Variants in MAML2 observed in about 807,000 individuals in gnomAD.
MAML2 encodes the protein mastermind-like protein 2.
A neutral mutation model predicts 96.1 loss-of-function variants in MAML2; 22 were observed. The ratio of observed to expected loss-of-function variants is 0.23; its 90% confidence interval spans 0.16 to 0.33. MAML2 has a LOEUF of 0.33. Among genes scored for constraint, MAML2 ranks in the 10% least tolerant of loss-of-function variants. The pLI is 1.00. For synonymous variants in MAML2, 561 were observed against 521.3 expected (o/e 1.08, Z -1.04); for missense variants, 1,367 against 1,392.4 (o/e 0.98, Z 0.29).
At chr11:96,193,085 G>A (rs1313839064) in intron 1 of MAML2, among the ~76,000 whole-genome samples, 1 of 152,148 alleles carries the variant, frequency 6.6e-6, no homozygotes, top group Non-Finnish European at 1.5e-5. Flanking sequence ...GTATGGTGTT[G>A]GGGCCGGGTG....
intron 1 of MAML2, among the ~76,000 whole-genome samples, chr11:96,300,777 AT>A (rs1221994773): frequency 2.0e-5 from 3 of 152,218 alleles, no homozygotes; most frequent in Non-Finnish European, 2.9e-5. Context: ...GCTTCGGACA[AT>A]GAGCAGGAGA....
chr11:96,232,362 G>T (rs1862305683), intron 1 of MAML2, among the ~76,000 whole-genome samples: 1 of 152,240 alleles, frequency 6.6e-6, no homozygotes, highest in African/African-American at 2.4e-5. Flanking sequence ...AGAGAATAAG[G>T]ATCACTGTGG....
At chr11:95,996,918 G>A (rs1246672548) in intron 2 of MAML2, among the ~76,000 whole-genome samples, 1 of 152,162 alleles carries the variant, frequency 6.6e-6, no homozygotes, top group East Asian at 1.9e-4. Context: ...TATGAAGGCT[G>A]TGGTAAAAAT....
chr11:96,002,891 A>T (rs1209868719), intron 2 of MAML2, among the ~76,000 whole-genome samples: 1 of 133,114 alleles, frequency 7.5e-6, no homozygotes. Flanking sequence ...GATGAGGAGG[A>T]TGATGGGGAT....
chr11:96,184,291 A>C (rs1331715072), intron 1 of MAML2, among the ~76,000 whole-genome samples: 2 of 152,024 alleles, frequency 1.3e-5, no homozygotes, highest in Non-Finnish European at 2.9e-5. Flanking sequence ...AAACGTAAAA[A>C]TTAGTGGGCG....
At chr11:96,298,313 G>A (rs495192) in intron 1 of MAML2, among the ~76,000 whole-genome samples, 98,523 of 152,056 alleles carry the variant, frequency 0.65, 32,038 homozygotes, top group East Asian at 0.8. Flanking sequence ...AAAGTTCTTT[G>A]CAGAGAAACA....
chr11:96,246,484 G>A (rs1398464210), intron 1 of MAML2, among the ~76,000 whole-genome samples: 11 of 152,186 alleles, frequency 7.2e-5, no homozygotes, highest in Admixed American at 5.2e-4. Flanking sequence ...CAAGGAGGGC[G>A]TCAGAGAGGA....
chr11:96,289,650 C>G (rs971398357), intron 1 of MAML2, among the ~76,000 whole-genome samples: 2 of 152,160 alleles, frequency 1.3e-5, no homozygotes, highest in Non-Finnish European at 1.5e-5. Context: ...ATAAACCTAG[C>G]TAACCTGCGA....
rs1480448740 is a variant in MAML2 at position 96,343,043 on chromosome 11, C to T, written c.-1148G>A. 5 of 396,832 alleles carry T rather than the reference C, an allele frequency of 1.3e-5. No individual in the cohort carries two copies. The highest frequency in any genetic ancestry group is 1.1e-4 in the East Asian group (3 of 28,040). 24.6% of individuals were successfully genotyped at this position (396,832 alleles called of 1,614,324 possible). A position where few individuals can be genotyped will look rare whatever the true frequency, so the allele number is the denominator to read the frequency against. On this transcript the variant is annotated 5_prime_UTR_variant, in exon 1 of 5. Transcript: ENST00000524717. ...GGTTCTATCTCCTGTATTTGCTCCGCTTTATAGATGGAAAAAAAAAGTAGC... is the reference window on the plus strand; with the variant it reads ...GGTTCTATCTCCTGTATTTGCTCCGTTTTATAGATGGAAAAAAAAAGTAGC...
intron 4 of MAML2, among the ~76,000 whole-genome samples, chr11:95,980,416 A>T (rs909760504): frequency 2.6e-5 from 4 of 152,084 alleles, no homozygotes; most frequent in African/African-American, 9.7e-5. Flanking sequence ...AATATTCCCA[A>T]ACTATGGCCT....
In MAML2 at chr11:96,151,956, C is replaced by T. The variant is rs191091660; in HGVS notation, c.514-58439G>A. Among the ~76,000 whole-genome samples the T allele has an allele frequency of 3.2e-3, 481 of 152,230 alleles. 2 individuals carry two copies. The highest frequency in any genetic ancestry group is 0.01 in the Middle Eastern group (3 of 294). ...TTATAGCTAGGCATAGTGACTTATG[C>T]CTGTAATCTTGGCACTTTGGGAGGC... On this transcript the variant is annotated intron_variant, in intron 1 of 4. Coordinates refer to ENST00000524717, the MANE Select transcript of MAML2 (RefSeq NM_032427.4).
rs774573793 is a variant in MAML2 at position 96,093,153 on chromosome 11, T to C, written c.878A>G (p.Tyr293Cys). 6.2e-7 allele frequency: 1 copy of C among 1,614,006 alleles called. No homozygotes were observed. The highest frequency in any genetic ancestry group is 8.5e-7 in the Non-Finnish European group (1 of 1,179,884). Residue 293 changes from tyrosine (Y) to cysteine (C), a missense_variant, in exon 2 of 5, where the codon TAC becomes TGC. Physicochemically the swap from Tyr to Cys is radical, Grantham distance 194. Coordinates refer to ENST00000524717, the MANE Select transcript of MAML2 (RefSeq NM_032427.4). The part of the protein sequence containing the change: ...MTQENIFPNR[Y>C]GDDPGEQLMD... The stretch of plus-strand genomic sequence containing the variant: ...CAGTTGTTCTCCAGGGTCGTCTCCG[T>C]ACCTATTAGGAAAAATATTCTCTTG...
chr11:96,326,663 T>C (rs1444332813), intron 1 of MAML2, among the ~76,000 whole-genome samples: 1 of 151,500 alleles, frequency 6.6e-6, no homozygotes, highest in Non-Finnish European at 1.5e-5. Flanking sequence ...CCAGGTATGG[T>C]GTGATGGGCC....
intron 2 of MAML2, among the ~76,000 whole-genome samples, chr11:96,053,191 A>G (rs1182260054): frequency 3.3e-5 from 5 of 152,220 alleles, no homozygotes; most frequent in East Asian, 1.9e-4. Flanking sequence ...AGAAAAAGGA[A>G]TATTGATTCT....
chr11:96,219,193 G>A (rs1368825417), intron 1 of MAML2, among the ~76,000 whole-genome samples: 1 of 152,216 alleles, frequency 6.6e-6, no homozygotes, highest in African/African-American at 2.4e-5. Flanking sequence ...GGCACTCAAT[G>A]TATTTAGGTT....
Position 95,992,557 on chromosome 11 carries a change from T to C in MAML2, c.2140-834A>G, listed in dbSNP as rs185206194. Among the ~76,000 whole-genome samples the C allele has an allele frequency of 4.2e-3, 645 of 152,322 alleles. 3 individuals carry two copies. Among genetic ancestry groups the C allele is most frequent in the African/African-American group, 0.015 (612 of 41,568 alleles). ...AGGATTGAGCTCTACACTAGTACAC[T>C]AGTAGGGTTACAAGAAGACTAGAAA... is the stretch of plus-strand genomic sequence containing the variant. On this transcript the variant is annotated intron_variant, in intron 2 of 4. Coordinates refer to ENST00000524717, the MANE Select transcript of MAML2 (RefSeq NM_032427.4).
chr11:96,265,485 G>A (rs1034412668), intron 1 of MAML2, among the ~76,000 whole-genome samples: 4 of 152,126 alleles, frequency 2.6e-5, no homozygotes, highest in African/African-American at 9.7e-5. Flanking sequence ...GAAGGGAAGT[G>A]CTGGGTAGAG....
At chr11:96,057,254 G>T (rs780861364) in intron 2 of MAML2, among the ~76,000 whole-genome samples, 6 of 152,136 alleles carry the variant, frequency 3.9e-5, no homozygotes, top group Non-Finnish European at 7.3e-5. Flanking sequence ...TTTGAAGTGA[G>T]CTCTCTAGAA....
chr11:96,286,024 C>T (rs187610687), intron 1 of MAML2, among the ~76,000 whole-genome samples: 17 of 152,140 alleles, frequency 1.1e-4, no homozygotes, highest in African/African-American at 3.1e-4. Context: ...TACATGCATG[C>T]GTATGTTCAT....
Sources: gnomAD v4.1 joint callset for allele counts (sites outside exome capture counted in the v4.1 genomes callset) on GRCh38, gnomAD v4.1.1 for gene constraint, MANE v1.5 for transcripts, NCBI Gene and HGNC (gene_info 2026-07-23, HGNC 2026-07-21) for gene names.